The following SPATA16 variants were observed in gnomAD, a reference collection of about 807,000 sequenced individuals.
SPATA16 encodes the protein spermatogenesis associated 16, also known as spermatogenesis-associated protein 16.
A neutral mutation model predicts 63.3 loss-of-function variants in SPATA16; 36 were observed. That is an observed-to-expected ratio of 0.57 (90% CI 0.44 to 0.75). The LOEUF (loss-of-function observed/expected upper bound fraction) is 0.75. Among genes scored for constraint, SPATA16 ranks in the 30% least tolerant of loss-of-function variants. SPATA16 has a pLI of 0.00. For synonymous variants in SPATA16, 203 were observed against 216.7 expected (o/e 0.94, Z 0.56); for missense variants, 646 against 679.3 (o/e 0.95, Z 0.54).
intron 1 of SPATA16, among the ~76,000 whole-genome samples, chr3:173,124,720 GTT>G (rs1738181015): frequency 6.6e-6 from 1 of 152,098 alleles, no homozygotes; most frequent in East Asian, 1.9e-4. Flanking sequence ...GATACTCTCT[GTT>G]TAATGGAACA....
At chr3:172,892,888 ACT>A (rs1731923010) in intron 10 of SPATA16, among the ~76,000 whole-genome samples, 1 of 152,172 alleles carries the variant, frequency 6.6e-6, no homozygotes, top group Non-Finnish European at 1.5e-5. Flanking sequence ...TGGGCAGATA[ACT>A]TTTTTTGTGT....
chr3:173,037,811 G>A (rs535844488), intron 3 of SPATA16, among the ~76,000 whole-genome samples: 10 of 151,312 alleles, frequency 6.6e-5, no homozygotes, highest in African/African-American at 2.4e-4. Flanking sequence ...TGAATATGAA[G>A]AATTCTTGTC....
chr3:173,001,098 G>A (rs888568017), intron 4 of SPATA16, among the ~76,000 whole-genome samples: 2 of 152,008 alleles, frequency 1.3e-5, no homozygotes, highest in East Asian at 3.9e-4. Context: ...TGCCTTGCAC[G>A]TTTTTATTAA....
At chr3:173,082,174 G>A (rs1736939195) in intron 2 of SPATA16, among the ~76,000 whole-genome samples, 2 of 152,030 alleles carry the variant, frequency 1.3e-5, no homozygotes, top group Admixed American at 1.3e-4. Flanking sequence ...GCAGGGCCTG[G>A]GGTAAGAATT....
At chr3:172,996,331 T>A (rs1284057463) in intron 4 of SPATA16, among the ~76,000 whole-genome samples, 1 of 152,160 alleles carries the variant, frequency 6.6e-6, no homozygotes, top group African/African-American at 2.4e-5. Context: ...TTCTTCACCA[T>A]AAGGTTAACA....
intron 3 of SPATA16, among the ~76,000 whole-genome samples, chr3:173,045,276 A>G (rs1319899474): frequency 6.6e-6 from 1 of 152,050 alleles, no homozygotes; most frequent in East Asian, 1.9e-4. Context: ...CTTGATATCC[A>G]TGTCCCTGAA....
At chr3:172,994,331 T>C (rs1734649726) in intron 4 of SPATA16, among the ~76,000 whole-genome samples, 1 of 151,994 alleles carries the variant, frequency 6.6e-6, no homozygotes, top group South Asian at 2.1e-4. Context: ...GGCATAGAGA[T>C]AGATAGCACA....
intron 2 of SPATA16, among the ~76,000 whole-genome samples, chr3:173,075,488 A>G (rs191222250): frequency 6.6e-6 from 1 of 152,344 alleles, no homozygotes; most frequent in East Asian, 1.9e-4. Context: ...TGTTTATTAT[A>G]GCAGTATTCA....
chr3:173,131,160 A>T (rs918086837), intron 1 of SPATA16, among the ~76,000 whole-genome samples: 8 of 152,200 alleles, frequency 5.3e-5, no homozygotes, highest in African/African-American at 1.9e-4. Flanking sequence ...CTTGGAAAAA[A>T]AATTTTGGTT....
chr3:173,057,212 C>T (rs1430253816), intron 2 of SPATA16, among the ~76,000 whole-genome samples: 4 of 151,318 alleles, frequency 2.6e-5, no homozygotes, highest in Non-Finnish European at 4.4e-5. Flanking sequence ...CCCGGATTCA[C>T]GCCATTCTCC....
chr3:172,933,061 G>A (rs764637312), intron 6 of SPATA16, among the ~76,000 whole-genome samples: 2 of 152,126 alleles, frequency 1.3e-5, no homozygotes, highest in Non-Finnish European at 2.9e-5. Flanking sequence ...TTAATGAGCT[G>A]TATTGGATCT....
intron 1 of SPATA16, among the ~76,000 whole-genome samples, chr3:173,121,627 C>T (rs1036878558): frequency 6.6e-6 from 1 of 152,058 alleles, no homozygotes; most frequent in Non-Finnish European, 1.5e-5. Context: ...ATATACTTTA[C>T]TCTTCTTGAC....
intron 2 of SPATA16, among the ~76,000 whole-genome samples, chr3:173,052,044 CA>C (rs1736112623): frequency 6.6e-6 from 1 of 152,104 alleles, no homozygotes; most frequent in Non-Finnish European, 1.5e-5. Flanking sequence ...CTCCTGACCT[CA>C]GGTTATCCAC....
Position 172,924,326 on chromosome 3 carries a change from T to G in SPATA16, c.1229-9A>C. 4 of 1,602,352 alleles carry G rather than the reference T, an allele frequency of 2.5e-6. No individual in the cohort carries two copies. The highest frequency in any genetic ancestry group is 3.4e-6 in the Non-Finnish European group (4 of 1,170,700). ...GAAAGGTGTTTTATGCTCTAAAAAT[T>G]GTAACAATAAACTTTTATACTATTT... On this transcript the variant is annotated splice_polypyrimidine_tract_variant and intron_variant, in intron 7 of 10. Coordinates refer to ENST00000351008, the MANE Select transcript of SPATA16 (RefSeq NM_031955.6).
intron 2 of SPATA16, among the ~76,000 whole-genome samples, chr3:173,072,547 A>T (rs924162765): frequency 2.6e-5 from 4 of 152,086 alleles, no homozygotes; most frequent in Non-Finnish European, 5.9e-5. Context: ...ATGAGTTCTG[A>T]TGGGTTTATA....
At chr3:173,120,272 T>C (rs576403962) in intron 1 of SPATA16, among the ~76,000 whole-genome samples, 1 of 152,290 alleles carries the variant, frequency 6.6e-6, no homozygotes, top group African/African-American at 2.4e-5. Flanking sequence ...AAATAAACTT[T>C]AGTCCTTCAG....
At chr3:172,895,263 A>G (rs77112476) in intron 10 of SPATA16, among the ~76,000 whole-genome samples, 2,952 of 152,342 alleles carry the variant, frequency 0.019, 30 homozygotes, top group Middle Eastern at 0.058. Context: ...TTTTATAACC[A>G]TCTGTTTTCC....
At chr3:172,931,546 C>T (rs80062354) in intron 6 of SPATA16, among the ~76,000 whole-genome samples, 24,701 of 152,140 alleles carry the variant, frequency 0.16, 2,447 homozygotes, top group East Asian at 0.38. Flanking sequence ...CTGTGCCTGG[C>T]CACATCTTTA....
chr3:172,916,236 T>TG (rs11371458), intron 9 of SPATA16, 81 bp downstream of exon 9: 49,620 of 1,173,084 alleles, frequency 0.042, 300 homozygotes, highest in Middle Eastern at 0.066. Flanking sequence ...ACAGGATTTT[T>TG]TTTTTTTTTT....
Sources: gnomAD v4.1 joint callset for allele counts (sites outside exome capture counted in the v4.1 genomes callset) on GRCh38, gnomAD v4.1.1 for gene constraint, MANE v1.5 for transcripts, NCBI Gene and HGNC (gene_info 2026-07-23, HGNC 2026-07-21) for gene names.